Variants in NPC1 observed in about 807,000 individuals in gnomAD.
NPC1 encodes the protein NPC intracellular cholesterol transporter 1.
A neutral mutation model predicts 140.4 loss-of-function variants in NPC1; 85 were observed. That is an observed-to-expected ratio of 0.61 (90% confidence interval 0.51 to 0.72). NPC1 has a LOEUF of 0.72. Among genes scored for constraint, NPC1 ranks in the 30% least tolerant of loss-of-function variants. NPC1 has a pLI of 0.00. For missense variants in NPC1, 1,504 were observed against 1,623.8 expected (o/e 0.93, Z 1.27); for synonymous variants, 656 against 624.8 (o/e 1.05, Z -0.74).
chr18:23,550,827 T>C (rs754841323), intron 10 of NPC1, among the ~76,000 whole-genome samples: 22 of 152,188 alleles, frequency 1.4e-4, no homozygotes, highest in African/African-American at 4.6e-4. Context: ...GGAATTTATT[T>C]TGGTGAAATG....
At chr18:23,566,796 T>C (rs538926158) in intron 4 of NPC1, among the ~76,000 whole-genome samples, 3 of 152,348 alleles carry the variant, frequency 2.0e-5, no homozygotes, top group East Asian at 1.9e-4. Flanking sequence ...TAGTATCATA[T>C]AGAGTATTTT....
At chr18:23,552,761 G>A (rs1389542180) in intron 9 of NPC1, among the ~76,000 whole-genome samples, 1 of 152,230 alleles carries the variant, frequency 6.6e-6, no homozygotes, top group Non-Finnish European at 1.5e-5. Context: ...GTGACGGCAT[G>A]AGGGAGGTCA....
chr18:23,579,777 C>G (rs2059335597), intron 1 of NPC1, among the ~76,000 whole-genome samples: 2 of 151,938 alleles, frequency 1.3e-5, no homozygotes, highest in Admixed American at 6.6e-5. Context: ...GTAGTCCCAG[C>G]TACAGGCTGA....
downstream of NPC1, chr18:23,531,406 C>A: frequency 1.1e-6 from 1 of 875,092 alleles, no homozygotes; most frequent in Non-Finnish European, 1.6e-6. Flanking sequence ...CAATGTAAGA[C>A]GGCATTTAGT....
At chr18:23,549,714 T>C (rs148515398) in intron 10 of NPC1, among the ~76,000 whole-genome samples, 1 of 152,118 alleles carries the variant, frequency 6.6e-6, no homozygotes, top group Non-Finnish European at 1.5e-5. Context: ...CCCACTTTTC[T>C]TTCAGGTTGT....
At position 23,531,815 on chromosome 18, in the gene NPC1, A is replaced by G; in HGVS notation, c.*387T>C. The G allele has an allele frequency of 6.6e-7, 1 of 1,505,480 alleles. No homozygotes were observed. 93.3% of individuals were successfully genotyped at this position (1,505,480 alleles called of 1,614,324 possible). A position where few individuals can be genotyped will look rare whatever the true frequency, so the allele number is the denominator to read the frequency against. On this transcript the variant is annotated 3_prime_UTR_variant, in exon 25 of 25. Transcript: ENST00000269228. ...AAGTGTATCTACAACCTCAACTGTC[A>G]CTAAAAATATGGTATAGAACTTGTG...
chr18:23,539,876 G>A lies in NPC1; in HGVS notation c.2730C>T (p.Gly910=), dbSNP rs749457981. The A allele has an allele frequency of 8.1e-6, 13 of 1,614,000 alleles. No individual in the cohort carries two copies. Among genetic ancestry groups the A allele is most frequent in the Admixed American group, 6.7e-5 (4 of 60,000 alleles). Residue 910 remains glycine, a synonymous_variant, in exon 18 of 25, where the codon GGC becomes GGT. Coordinates refer to ENST00000269228, the MANE Select transcript of NPC1 (RefSeq NM_000271.5). ...TSSKGQNMVC[G]GMGCNNDSLV... is the part of the protein sequence containing the mutation. ...GGGAATCATTGTTGCAGCCCATGCC[G>A]CCGCACACCATGTTCTGCCCCTTGG...
rs74842368 is a variant in NPC1 at position 23,558,176 on chromosome 18, T to C, written c.882-986A>G. On this transcript the variant is annotated intron_variant, in intron 6 of 24. Coordinates refer to ENST00000269228, the MANE Select transcript of NPC1 (RefSeq NM_000271.5). The stretch of plus-strand genomic sequence containing the variant: ...GTTGCAGACAAGACCCAACAATGAA[T>C]GCTAAAATCAGTGGTTGAGTTTCAG... Among the ~76,000 whole-genome samples the C allele has an allele frequency of 1.6e-3, 238 of 152,318 alleles. 8 individuals carry two copies. In the East Asian group the frequency reaches 0.041, roughly 26 times the overall value.
At chr18:23,551,347 T>C (rs548202235) in intron 10 of NPC1, among the ~76,000 whole-genome samples, 31 of 152,254 alleles carry the variant, frequency 2.0e-4, no homozygotes, top group African/African-American at 6.7e-4. Context: ...TGAACAACAA[T>C]GCAGAGGTTT....
intron 7 of NPC1, 116 bp from the exon 8 acceptor site, chr18:23,556,729 A>T: frequency 1.3e-6 from 2 of 1,488,978 alleles, no homozygotes; most frequent in Non-Finnish European, 1.8e-6. Context: ...CCACCTGGGG[A>T]CACATATGAG....
intron 3 of NPC1, among the ~76,000 whole-genome samples, chr18:23,511,315 G>A (rs1044244065): frequency 6.6e-6 from 1 of 152,054 alleles, no homozygotes; most frequent in African/African-American, 2.4e-5. Flanking sequence ...GACACGGGGG[G>A]CTACTTGAGC....
chr18:23,529,073 C>T (rs1322983388), downstream of NPC1: 17 of 1,495,720 alleles, frequency 1.1e-5, no homozygotes, highest in Non-Finnish European at 1.4e-5. Flanking sequence ...GTTTTCCGCT[C>T]ATATCCTGGG....
intron 1 of NPC1, chr18:23,576,933 AC>A (rs1163798653): frequency 6.6e-6 from 1 of 152,364 alleles, no homozygotes; most frequent in Non-Finnish European, 1.5e-5. Flanking sequence ...ATGGAAGAGG[AC>A]CCGGGCGGGT....
intron 4 of NPC1, among the ~76,000 whole-genome samples, chr18:23,564,992 T>C (rs564636082): frequency 6.6e-6 from 1 of 152,330 alleles, no homozygotes; most frequent in African/African-American, 2.4e-5. Context: ...ACCATAGATA[T>C]ATTATTTATT....
chr18:23,567,669 C>T (rs942349675), intron 4 of NPC1, among the ~76,000 whole-genome samples: 1 of 152,144 alleles, frequency 6.6e-6, no homozygotes, highest in Non-Finnish European at 1.5e-5. Context: ...GGTTTATATG[C>T]ATTTAGAGTT....
At chr18:23,536,321 T>C (rs1175526584) in intron 21 of NPC1, among the ~76,000 whole-genome samples, 1 of 152,184 alleles carries the variant, frequency 6.6e-6, no homozygotes, top group Non-Finnish European at 1.5e-5. Flanking sequence ...AACCAGCAGT[T>C]AGGGATTCTG....
chr18:23,540,241 T>C (rs933678266), intron 17 of NPC1, among the ~76,000 whole-genome samples: 14 of 152,184 alleles, frequency 9.2e-5, no homozygotes, highest in Non-Finnish European at 1.9e-4. Flanking sequence ...ATTCGTGTTC[T>C]GCAGCTGTGC....
rs7245127 is a variant in NPC1, at chr18:23,515,960, G to A, written c.432-9318C>T. On this transcript the variant is annotated intron_variant, in intron 3 of 3. Coordinates refer to the NPC1 transcript ENST00000591107. The stretch of plus-strand genomic sequence containing the variant: ...GCGCCGTGATCTTGCTGTCTACCAC[G>A]GTCCTGGAGAATGTCCTGCAGCCTT... 2.1e-3 allele frequency: 3,358 copies of A among 1,614,020 alleles called. 61 individuals carry two copies. The African/African-American group carries it at 0.04, about 19-fold the overall frequency.
At chr18:23,568,472 T>C (rs2059157149) in intron 4 of NPC1, among the ~76,000 whole-genome samples, 1 of 152,232 alleles carries the variant, frequency 6.6e-6, no homozygotes, top group African/African-American at 2.4e-5. Flanking sequence ...CTGCCAACTA[T>C]TAACAGTTCT....
Sources: allele counts gnomAD v4.1 joint callset (sites outside exome capture counted in the v4.1 genomes callset), GRCh38; gene constraint gnomAD v4.1.1; transcripts MANE v1.5; gene names NCBI Gene and HGNC (gene_info 2026-07-23, HGNC 2026-07-21).